KIAA1210: variants seen among roughly 807,000 people sequenced by gnomAD.
KIAA1210 encodes the protein acrosomal protein KIAA1210.
KIAA1210 carries 48 observed loss-of-function variants against 78.9 expected under a neutral mutation model. The ratio of observed to expected loss-of-function variants is 0.61; its 90% CI spans 0.48 to 0.77. KIAA1210 has a LOEUF of 0.77. Ranked by LOEUF, KIAA1210 falls within the 30% of genes least tolerant of loss-of-function variation. KIAA1210 has a pLI of 0.00. For synonymous variants in KIAA1210, 406 were observed against 404.5 expected, an observed-to-expected ratio of 1.00 and a Z score of -0.04; for missense variants, 1,108 against 1,100.0, an observed-to-expected ratio of 1.01 and a Z score of -0.10.
At chrX:119,093,619 A>G (rs1927457366) in intron 8 of KIAA1210, 48 bp downstream of exon 8, 5 of 981,869 alleles carry the variant, frequency 5.1e-6, no homozygotes, top group Non-Finnish European at 7.2e-6. Context: ...GCACTGTGCA[A>G]TGAAGTCTGT....
chrX:119,144,541 C>G (rs1929123973), intron 2 of KIAA1210, among the ~76,000 whole-genome samples: 1 of 111,619 alleles, frequency 9.0e-6, no homozygotes, highest in African/African-American at 3.3e-5. Flanking sequence ...CAGATGTGGC[C>G]AAAGAGGCAT....
intron 1 of KIAA1210, among the ~76,000 whole-genome samples, chrX:119,126,099 A>T (rs1185863538): frequency 2.8e-5 from 3 of 107,560 alleles, no homozygotes; most frequent in African/African-American, 1.0e-4. Context: ...GCCACTCCAG[A>T]TCTGCTCTTT....
At chrX:119,131,347 T>C (rs912699938), upstream of KIAA1210, among the ~76,000 whole-genome samples, 4 of 111,069 alleles carry the variant, frequency 3.6e-5, no homozygotes, top group Non-Finnish European at 7.5e-5. Context: ...AAACATTGCG[T>C]GCGCATGGAC....
Position 119,096,613 on chromosome X carries a change from T to C in KIAA1210, c.727A>G (p.Thr243Ala), listed in dbSNP as rs1314071377. The C allele has an allele frequency of 8.3e-7, 1 of 1,210,157 alleles. No individual in the cohort carries two copies. The highest frequency in any genetic ancestry group is 1.7e-5 in the African/African-American group (1 of 57,614). Residue 243 changes from threonine to alanine, a missense_variant, in exon 7 of 12, where the codon ACC becomes GCC. Physicochemically the swap from Thr to Ala is moderately conservative, Grantham distance 58. Coordinates refer to ENST00000691062, the MANE Select transcript of KIAA1210 (RefSeq NM_001394962.1). Reference protein sequence around the residue: ...AFATLASTSSTQLPIGFSTPA... With the variant: ...AFATLASTSSAQLPIGFSTPA... ...GTGCTGAAACCAATGGGCAGCTGGG[T>C]GCTACTGGTAGAGGCAAGTGTGGCA... is the stretch of plus-strand genomic sequence containing the variant.
intron 2 of KIAA1210, among the ~76,000 whole-genome samples, chrX:119,143,235 T>C (rs953962151): frequency 2.5e-4 from 28 of 112,493 alleles, no homozygotes; most frequent in South Asian, 2.2e-3. Flanking sequence ...ACCAGCAGGT[T>C]TGTCCAATGG....
chrX:119,079,114 G>A lies in KIAA1210; in HGVS notation c.*2215C>T, dbSNP rs1475657838. The A allele has an allele frequency of 1.8e-5, 2 of 112,524 alleles. No homozygotes were observed. Among genetic ancestry groups the A allele is most frequent in the Non-Finnish European group, 3.8e-5 (2 of 53,323 alleles). 9.3% of individuals were successfully genotyped at this position (112,524 alleles called of 1,213,427 possible). On this transcript the variant is annotated 3_prime_UTR_variant, in exon 12 of 12. Coordinates refer to ENST00000691062, the MANE Select transcript of KIAA1210 (RefSeq NM_001394962.1). ...TCAGGAAAAATAGATGTTATATAGAGAAAATGCAAAATTTAGCATGTAATT... is the reference window on the plus strand; with the variant it reads ...TCAGGAAAAATAGATGTTATATAGAAAAAATGCAAAATTTAGCATGTAATT...
At chrX:119,143,076 T>C (rs1929088060) in intron 2 of KIAA1210, among the ~76,000 whole-genome samples, 2 of 112,188 alleles carry the variant, frequency 1.8e-5, no homozygotes, top group Non-Finnish European at 3.8e-5. Context: ...ACATGTTCAC[T>C]ATTATTGGTA....
rs753361625 is a variant in KIAA1210 at position 119,088,297 on chromosome X, A to C, written c.2405T>G (p.Met802Arg). ...KSMAVEESIS[M>R]KPLPPKLLCQ... ...AAGAAGTTTAGGAGGCAGAGGCTTC[A>C]TAGAAATGCTCTCTTCAACAGCCAT... Residue 802 changes from methionine to arginine, a missense_variant, in exon 9 of 12, where the codon ATG (methionine) becomes AGG (arginine). Transcript: ENST00000691062. 29 of 1,209,684 alleles carry C rather than the reference A, an allele frequency of 2.4e-5. No individual in the cohort carries two copies. Among genetic ancestry groups the C allele is most frequent in the Admixed American group, 8.7e-5 (4 of 45,773 alleles).
Position 119,087,440 on chromosome X carries a change from A to C in KIAA1210, c.3262T>G (p.Ser1088Ala), listed in dbSNP as rs778697182. The change falls in exon 9 of 12, where the codon TCC (serine) becomes GCC (alanine). Residue 1088 changes from serine (S) to alanine (A), a missense_variant. By Grantham distance (99) the Ser-to-Ala change is moderately conservative. Transcript: ENST00000691062. ...KMLPMKHPLQ[S>A]LGRPEDPQKV... ...TGTGGGTCTTCAGGCCTCCCCAAGG[A>C]CTGTAAAGGGTGCTTCATAGGTAGC... 8.3e-5 allele frequency: 100 copies of C among 1,208,455 alleles called. No homozygotes were observed. The highest frequency in any genetic ancestry group is 1.1e-4 in the Non-Finnish European group (99 of 894,528).
At chrX:119,142,366 G>C (rs904913382) in intron 2 of KIAA1210, among the ~76,000 whole-genome samples, 3 of 111,994 alleles carry the variant, frequency 2.7e-5, no homozygotes, top group Admixed American at 9.5e-5. Flanking sequence ...AAAAGACTTT[G>C]ATTCGGCTTA....
chrX:119,139,414 G>A (rs961565219), intron 2 of KIAA1210, among the ~76,000 whole-genome samples: 44 of 111,634 alleles, frequency 3.9e-4, no homozygotes, highest in Non-Finnish European at 1.1e-4. Flanking sequence ...TACCTATTGG[G>A]TACAATGTAT....
intron 2 of KIAA1210, among the ~76,000 whole-genome samples, chrX:119,123,249 C>G (rs1207550980): frequency 8.9e-6 from 1 of 112,189 alleles, no homozygotes; most frequent in Non-Finnish European, 1.9e-5. Context: ...AAATTAATCT[C>G]TTTCTTAGAT....
At chrX:119,084,379 A>C (rs1292631332) in intron 10 of KIAA1210, among the ~76,000 whole-genome samples, 2 of 111,990 alleles carry the variant, frequency 1.8e-5, no homozygotes, top group Non-Finnish European at 3.8e-5. Context: ...AACATCAAAC[A>C]CAGAAAGGGA....
At chrX:119,098,766 C>A (rs773940330) in intron 6 of KIAA1210, among the ~76,000 whole-genome samples, 161 of 111,441 alleles carry the variant, frequency 1.4e-3, no homozygotes, top group African/African-American at 4.7e-3. Flanking sequence ...ATTTAGCTTG[C>A]TTATTGTCCA....
intron 1 of KIAA1210, among the ~76,000 whole-genome samples, chrX:119,123,925 T>C (rs183353568): frequency 4.5e-5 from 5 of 111,818 alleles, no homozygotes; most frequent in African/African-American, 1.6e-4. Flanking sequence ...TTTTGTTTTG[T>C]TTTGTTTTGG....
intron 8 of KIAA1210, among the ~76,000 whole-genome samples, chrX:119,092,663 AG>A (rs1480814362): frequency 9.1e-6 from 1 of 109,748 alleles, no homozygotes; most frequent in Non-Finnish European, 1.9e-5. Flanking sequence ...AGGGAGGCTG[AG>A]GCAGGAGAAT....
chrX:119,108,828 A>T (rs1927977629), intron 4 of KIAA1210, among the ~76,000 whole-genome samples: 1 of 105,735 alleles, frequency 9.5e-6, no homozygotes, highest in Admixed American at 1.0e-4. Flanking sequence ...TAGGTGACAG[A>T]GTGAGACCTG....
In KIAA1210 at chrX:119,096,570, C is replaced by T. The variant is rs1444683860; in HGVS notation, c.770G>A (p.Gly257Asp). ...IGFSTPATTQ[G>D]CLDSSAARHK... ...GCGAGCAGCTGAAGAATCCAAACAG[C>T]CCTGGGTGGTGGCTGGGGTGCTGAA... The change falls in exon 7 of 12, where the codon GGC (glycine) becomes GAC (aspartate). Residue 257 changes from glycine to aspartate, a missense_variant. Gly to Asp is a moderately conservative substitution (Grantham distance 94). Coordinates refer to ENST00000691062, the MANE Select transcript of KIAA1210 (RefSeq NM_001394962.1). 6 of 1,211,509 alleles carry T rather than the reference C, an allele frequency of 5.0e-6. No individual in the cohort carries two copies. The East Asian group carries it at 1.8e-4, about 36-fold the overall frequency.
At position 119,115,436 on chromosome X, in the gene KIAA1210, G is replaced by A. The variant is rs369788254; in HGVS notation, c.230+1060C>T. On this transcript the variant is annotated intron_variant, in intron 3 of 11. Transcript: ENST00000691062. ...TGGGCTATAATAGTATTACTTGTGA[G>A]GTACTACATAAGCCCCTCTTTCAAA... Among the ~76,000 whole-genome samples the A allele has an allele frequency of 1.3e-4, 15 of 111,725 alleles. No individual in the cohort carries two copies. The East Asian group carries it at 2.8e-3, about 21-fold the overall frequency.
Sources: allele counts gnomAD v4.1 joint callset (sites outside exome capture counted in the v4.1 genomes callset), GRCh38; gene constraint gnomAD v4.1.1; transcripts MANE v1.5; gene names NCBI Gene and HGNC (gene_info 2026-07-23, HGNC 2026-07-21).